LYRM4: variants seen among roughly 807,000 people sequenced by gnomAD.
LYRM4 encodes the protein LYR motif-containing protein 4.
LYRM4 carries 9 observed loss-of-function variants against 11.7 expected under a neutral mutation model. The observed-to-expected ratio is 0.77, with a 90% CI of 0.46 to 1.34. The LOEUF is 1.34. Ranked by LOEUF, LYRM4 falls within the 40% of genes most tolerant of loss-of-function variation. LYRM4 has a pLI of 0.00. For synonymous variants in LYRM4, 42 were observed against 40.4 expected (o/e 1.04, Z -0.15); for missense variants, 133 against 112.5 (o/e 1.18, Z -0.82).
intron 2 of LYRM4, among the ~76,000 whole-genome samples, chr6:5,143,454 G>A (rs553610241): frequency 6.6e-6 from 1 of 152,214 alleles, no homozygotes; most frequent in African/African-American, 2.4e-5. Flanking sequence ...CAGACATCGG[G>A]AGGTTGACAG....
the LYRM4 span, among the ~76,000 whole-genome samples, chr6:5,075,360 G>A: frequency 6.6e-6 from 1 of 152,180 alleles, no homozygotes; most frequent in South Asian, 2.1e-4. Flanking sequence ...ATTAGCCCAA[G>A]GGATTCCTAG....
At chr6:5,134,294 A>C (rs1173765070) in intron 2 of LYRM4, among the ~76,000 whole-genome samples, 1 of 152,242 alleles carries the variant, frequency 6.6e-6, no homozygotes, top group African/African-American at 2.4e-5. Flanking sequence ...GAAAACCAAG[A>C]TAAAATCAGC....
intron 2 of LYRM4, among the ~76,000 whole-genome samples, chr6:5,115,974 G>A (rs946633385): frequency 6.6e-6 from 1 of 152,178 alleles, no homozygotes; most frequent in African/African-American, 2.4e-5. Flanking sequence ...CTGAGGGGAG[G>A]AGGGAGAAGG....
At chr6:5,137,907 C>T (rs1757182896) in intron 2 of LYRM4, among the ~76,000 whole-genome samples, 1 of 152,164 alleles carries the variant, frequency 6.6e-6, no homozygotes, top group Admixed American at 6.5e-5. Flanking sequence ...GAGCATTCAT[C>T]CTGCCATTTT....
chr6:5,239,913 G>T (rs144381250), intron 1 of LYRM4, among the ~76,000 whole-genome samples: 1 of 152,170 alleles, frequency 6.6e-6, no homozygotes, highest in African/African-American at 2.4e-5. Flanking sequence ...CCTGGCCATG[G>T]CGCAGAACAA....
chr6:5,082,854 C>A, the LYRM4 span, among the ~76,000 whole-genome samples: 1 of 152,206 alleles, frequency 6.6e-6, no homozygotes, highest in Non-Finnish European at 1.5e-5. Flanking sequence ...TCCAGTCCAG[C>A]CCCCTGACAC....
At chr6:5,159,176 G>A (rs1027294091) in intron 2 of LYRM4, among the ~76,000 whole-genome samples, 2 of 152,250 alleles carry the variant, frequency 1.3e-5, no homozygotes, top group Non-Finnish European at 2.9e-5. Context: ...TACTAGGCAG[G>A]TAGGATGGTC....
the LYRM4 span, among the ~76,000 whole-genome samples, chr6:5,038,166 CAG>C: frequency 1.7e-5 from 1 of 57,224 alleles, no homozygotes; most frequent in Non-Finnish European, 4.1e-5. Flanking sequence ...ACATCCCAGA[CAG>C]GGAGGCGGGG....
chr6:5,046,527 G>A, the LYRM4 span, among the ~76,000 whole-genome samples: 2 of 152,206 alleles, frequency 1.3e-5, no homozygotes, highest in South Asian at 4.1e-4. Context: ...AAGGCTGGAC[G>A]TCCCACATGG....
intron 2 of LYRM4, chr6:5,136,672 C>T: frequency 1.0e-6 from 1 of 985,404 alleles, no homozygotes; most frequent in Non-Finnish European, 1.2e-6. Flanking sequence ...GTGGCATTTA[C>T]AAATGAGTCC....
At chr6:5,032,181 A>G in the LYRM4 span, 1 of 152,230 alleles carries the variant, frequency 6.6e-6, no homozygotes, top group South Asian at 2.1e-4. Flanking sequence ...TTAATTAACT[A>G]TGAGCGTCTT....
chr6:5,071,795 G>A, the LYRM4 span, among the ~76,000 whole-genome samples: 1 of 151,984 alleles, frequency 6.6e-6, no homozygotes, highest in South Asian at 2.1e-4. Context: ...GCACCACCAC[G>A]CCCAGCTAAT....
chr6:5,144,223 TC>T (rs1757570290), intron 2 of LYRM4: 6 of 1,536,838 alleles, frequency 3.9e-6, no homozygotes, highest in Non-Finnish European at 5.2e-6. Flanking sequence ...CGGCTGCTGT[TC>T]CCCGACTTCC....
the LYRM4 span, among the ~76,000 whole-genome samples, chr6:5,061,353 C>T: frequency 2.6e-5 from 4 of 152,184 alleles, no homozygotes; most frequent in Admixed American, 2.6e-4. Flanking sequence ...TTTGGCTGAA[C>T]TGCCACCTTT....
chr6:5,096,974 G>A, the LYRM4 span, among the ~76,000 whole-genome samples: 1 of 152,240 alleles, frequency 6.6e-6, no homozygotes, highest in African/African-American at 2.4e-5. Flanking sequence ...TGGGCAGAAA[G>A]TATCCATTTG....
intron 2 of LYRM4, among the ~76,000 whole-genome samples, chr6:5,188,125 G>T (rs540219000): frequency 6.6e-6 from 1 of 152,312 alleles, no homozygotes; most frequent in East Asian, 1.9e-4. Flanking sequence ...GAGGTGGGAG[G>T]ACTACTTGAG....
rs1198450786 is a variant in LYRM4, at chr6:5,216,226, G to A, written c.207+392C>T. ...CCACAATGGTGTCTTCAAGAAAAGGGCCACGTTCTGTTTATCCTGAATTAT... is the reference window on the plus strand; with the variant it reads ...CCACAATGGTGTCTTCAAGAAAAGGACCACGTTCTGTTTATCCTGAATTAT... On this transcript the variant is annotated intron_variant, in intron 2 of 2. Transcript: ENST00000330636. Among the ~76,000 whole-genome samples the A allele has an allele frequency of 2.0e-5, 3 of 152,156 alleles. No individual in the cohort carries two copies. The South Asian group carries it at 6.2e-4, about 31-fold the overall frequency.
At chr6:5,124,401 A>G (rs1246452228) in intron 2 of LYRM4, among the ~76,000 whole-genome samples, 1 of 152,176 alleles carries the variant, frequency 6.6e-6, no homozygotes, top group African/African-American at 2.4e-5. Context: ...AGTTTTTAGA[A>G]AATTTAGAGA....
chr6:5,154,643 T>C (rs765122074), intron 2 of LYRM4, among the ~76,000 whole-genome samples: 30 of 152,108 alleles, frequency 2.0e-4, no homozygotes, highest in Non-Finnish European at 3.1e-4. Context: ...TGTGAAACCC[T>C]GTCTGTACTA....
Sources: gnomAD v4.1 joint callset for allele counts (sites outside exome capture counted in the v4.1 genomes callset) on GRCh38, gnomAD v4.1.1 for gene constraint, MANE v1.5 for transcripts, NCBI Gene and HGNC (gene_info 2026-07-23, HGNC 2026-07-21) for gene names.